COL17A1: variants seen among roughly 807,000 people sequenced by gnomAD.
COL17A1 encodes collagen alpha-1(XVII) chain.
COL17A1 carries 181 observed loss-of-function variants against 218.4 expected under a neutral mutation model. The observed-to-expected ratio is 0.83, with a 90% CI of 0.73 to 0.94. COL17A1 has a LOEUF of 0.94. COL17A1 is among the 40% of genes least tolerant of loss of function. The pLI is 0.00. For synonymous variants in COL17A1, 721 were observed against 731.0 expected (o/e 0.99, Z 0.22); for missense variants, 1,924 against 1,945.9 (o/e 0.99, Z 0.21).
chr10:104,034,989 C>T (rs2086261162), intron 50 of COL17A1, among the ~76,000 whole-genome samples: 1 of 152,172 alleles, frequency 6.6e-6, no homozygotes, highest in Admixed American at 6.5e-5. Flanking sequence ...CAATTCTGAG[C>T]CTCATTCAAC....
rs1186631875 is a variant in COL17A1, at chr10:104,049,745, G to T, written c.2165-274C>A. 2.6e-5 allele frequency among the ~76,000 whole-genome samples: 4 copies of T among 152,350 alleles called. No individual in the cohort carries two copies. The South Asian group carries it at 6.2e-4, about 24-fold the overall frequency. ...CACTGTCAATTTCCTTTATAATCATGCCAGTTGGCAGGAGGTCAGTGGTTG... is the reference window on the plus strand; with the variant it reads ...CACTGTCAATTTCCTTTATAATCATTCCAGTTGGCAGGAGGTCAGTGGTTG... On this transcript the variant is annotated intron_variant, in intron 28 of 55. Coordinates refer to ENST00000648076, the MANE Select transcript of COL17A1 (RefSeq NM_000494.4).
intron 1 of COL17A1, among the ~76,000 whole-genome samples, chr10:104,081,835 AC>A (rs1278513333): frequency 6.6e-6 from 1 of 152,210 alleles, no homozygotes; most frequent in South Asian, 2.1e-4. Context: ...CAAAATGTTT[AC>A]TTTTAACATC....
At chr10:104,060,053 G>A (rs2086568025) in intron 14 of COL17A1, 66 bp downstream of exon 14, 1 of 1,609,318 alleles carries the variant, frequency 6.2e-7, no homozygotes, top group African/African-American at 1.3e-5. Context: ...CACCTTGCTA[G>A]GACATTTGGT....
At chr10:104,080,028 C>A (rs377253548) in intron 2 of COL17A1, among the ~76,000 whole-genome samples, 5 of 151,960 alleles carry the variant, frequency 3.3e-5, no homozygotes, top group African/African-American at 9.7e-5. Flanking sequence ...ATTGTATAGA[C>A]CTTTGGGATT....
At chr10:104,063,568 G>C (rs1303432435) in intron 11 of COL17A1, 179 bp downstream of exon 11, 4 of 980,000 alleles carry the variant, frequency 4.1e-6, no homozygotes, top group Non-Finnish European at 6.3e-6. Context: ...CCTCGCCTGA[G>C]ACTTTTCCCT....
intron 26 of COL17A1, 45 bp from the exon 27 acceptor site, chr10:104,050,701 A>ACATTG (rs1564677367): frequency 6.2e-7 from 1 of 1,614,016 alleles, no homozygotes; most frequent in Non-Finnish European, 8.5e-7. Context: ...CCTACAAGGG[A>ACATTG]CAACCAGGAA....
intron 48 of COL17A1, among the ~76,000 whole-genome samples, chr10:104,036,079 TGTGTATGG>T (rs2086289394): frequency 6.7e-5 from 7 of 105,114 alleles, no homozygotes; most frequent in Admixed American, 9.6e-5. Flanking sequence ...TGTATGGGAG[TGTGTATGG>T]GAGTGTGTGT....
intron 6 of COL17A1, 48 bp downstream of exon 6, chr10:104,074,136 C>G: frequency 6.2e-7 from 1 of 1,613,692 alleles, no homozygotes; most frequent in Non-Finnish European, 8.5e-7. Flanking sequence ...AGGGATTTTC[C>G]TAGTGCCTCG....
Position 104,037,099 on chromosome 10 carries a change from C to T in COL17A1, c.3223G>A (p.Val1075Ile), listed in dbSNP as rs952175257. Residue 1075 changes from valine to isoleucine, a missense_variant, in exon 47 of 56, where the codon GTC (valine) becomes ATC (isoleucine). Val to Ile is a conservative substitution (Grantham distance 29). Transcript: ENST00000648076. ...VSYLRTSGYG[V>I]SLFSSSISSE... ...GAGATGGAGGACGAGAACAAGCTGA[C>T]ACCGTACCCCGAAGCTGTCGGGAAG... 7 of 1,606,044 alleles carry T rather than the reference C, an allele frequency of 4.4e-6. No homozygotes were observed. In the African/African-American group the frequency reaches 6.7e-5, roughly 15 times the overall value.
At chr10:104,033,448 C>G in intron 52 of COL17A1, 73 bp from the exon 53 acceptor site, 1 of 1,549,286 alleles carries the variant, frequency 6.5e-7, no homozygotes, top group Non-Finnish European at 8.8e-7. Flanking sequence ...GCACAGTGCC[C>G]TCCGAGTGTC....
rs2086453392 is a variant in COL17A1, at chr10:104,050,108, T to C, written c.2145A>G (p.Lys715=). ...PPGPKGDQGE[K]GPRGLTGEPG... is the part of the protein sequence containing the mutation. ...ACTGACCTGTGAGGCCTCGAGGTCC[T>C]TTCTCACCCTGGTCACCTAAAGCAA... Residue 715 remains lysine (K), a synonymous_variant, in exon 28 of 56, where the codon AAA becomes AAG. Coordinates refer to ENST00000648076, the MANE Select transcript of COL17A1 (RefSeq NM_000494.4). 5.6e-6 allele frequency: 9 copies of C among 1,613,992 alleles called. No homozygotes were observed. Among genetic ancestry groups the C allele is most frequent in the South Asian group, 2.2e-5 (2 of 91,078 alleles).
At chr10:104,080,265 C>A (rs374873095) in intron 2 of COL17A1, among the ~76,000 whole-genome samples, 1 of 152,294 alleles carries the variant, frequency 6.6e-6, no homozygotes, top group Admixed American at 6.5e-5. Flanking sequence ...AACTATGATA[C>A]AATAACTAGG....
intron 17 of COL17A1, 88 bp from the exon 18 acceptor site, chr10:104,056,091 G>A (rs1244272254): frequency 1.3e-6 from 2 of 1,500,022 alleles, no homozygotes; most frequent in East Asian, 2.3e-5. Context: ...CTGACACAAG[G>A]GATTGGGGCC....
intron 1 of COL17A1, among the ~76,000 whole-genome samples, chr10:104,083,571 T>A (rs2086782789): frequency 6.6e-6 from 1 of 152,226 alleles, no homozygotes; most frequent in African/African-American, 2.4e-5. Flanking sequence ...TTAAATCATT[T>A]TTCTACTTTT....
chr10:104,050,192 A>G (rs988539317), intron 27 of COL17A1, 68 bp from the exon 28 acceptor site: 2 of 1,608,864 alleles, frequency 1.2e-6, no homozygotes, highest in African/African-American at 1.3e-5. Context: ...TCACCCAGTA[A>G]CAGGGTCCCC....
chr10:104,079,706 T>A (rs111972412), intron 2 of COL17A1, among the ~76,000 whole-genome samples: 5 of 152,248 alleles, frequency 3.3e-5, no homozygotes, highest in African/African-American at 1.2e-4. Flanking sequence ...GGCGGGCAGA[T>A]CACGAGGTCA....
At chr10:104,049,708 T>A (rs1476046671) in intron 28 of COL17A1, among the ~76,000 whole-genome samples, 5 of 152,204 alleles carry the variant, frequency 3.3e-5, no homozygotes, top group Non-Finnish European at 7.3e-5. Flanking sequence ...ACCCCTTGAG[T>A]CACAGCTTTA....
In COL17A1 at chr10:104,051,535, C is replaced by T. The variant is rs569265127; in HGVS notation, c.2003-19G>A. On this transcript the variant is annotated intron_variant, in intron 24 of 55. Coordinates refer to ENST00000648076, the MANE Select transcript of COL17A1 (RefSeq NM_000494.4). ...CTGGAACCTGAGAAGGAGGACAAGACAGCAATCAGCAGAGGGGCAGATACA... is the reference window on the plus strand; with the variant it reads ...CTGGAACCTGAGAAGGAGGACAAGATAGCAATCAGCAGAGGGGCAGATACA... The T allele has an allele frequency of 2.4e-5, 39 of 1,613,918 alleles. No individual in the cohort carries two copies. The South Asian group carries it at 4.3e-4, about 18-fold the overall frequency.
At chr10:104,074,992 G>T (rs1039188397) in intron 5 of COL17A1, among the ~76,000 whole-genome samples, 13 of 152,116 alleles carry the variant, frequency 8.5e-5, no homozygotes, top group Admixed American at 7.9e-4. Flanking sequence ...ACTCCTTCTT[G>T]ACCCTGAGCA....
Sources: allele counts gnomAD v4.1 joint callset (sites outside exome capture counted in the v4.1 genomes callset), GRCh38; gene constraint gnomAD v4.1.1; transcripts MANE v1.5; gene names NCBI Gene and HGNC (gene_info 2026-07-23, HGNC 2026-07-21).